Variants in NTM observed in about 807,000 individuals in gnomAD.
The protein encoded by NTM is IgLON family member 2.
Under a neutral mutation model 42.1 loss-of-function variants are expected in NTM, and 13 were observed. The ratio of observed to expected loss-of-function variants is 0.31; its 90% CI spans 0.20 to 0.49. NTM has a LOEUF of 0.49. Among genes scored for constraint, NTM ranks in the 20% least tolerant of loss-of-function variants. NTM has a pLI of 0.99. For missense variants in NTM, 373 were observed against 452.8 expected, an observed-to-expected ratio of 0.82 and a Z score of 1.60; for synonymous variants, 187 against 179.2, an observed-to-expected ratio of 1.04 and a Z score of -0.35.
At chr11:131,739,773 G>A (rs2080945381) in intron 1 of NTM, among the ~76,000 whole-genome samples, 1 of 152,196 alleles carries the variant, frequency 6.6e-6, no homozygotes. Context: ...AGTCCCAGAT[G>A]GGAAACGGCA....
chr11:131,387,318 C>T (rs538852551), intron 1 of NTM, among the ~76,000 whole-genome samples: 14 of 152,082 alleles, frequency 9.2e-5, no homozygotes, highest in African/African-American at 3.4e-4. Context: ...CTCTCTCTCC[C>T]TCTCTCTCTC....
At chr11:131,576,868 A>G (rs2057986307) in intron 1 of NTM, among the ~76,000 whole-genome samples, 1 of 152,156 alleles carries the variant, frequency 6.6e-6, no homozygotes, top group South Asian at 2.1e-4. Context: ...ATTTTTTTCC[A>G]CAAAATGTGG....
intron 1 of NTM, among the ~76,000 whole-genome samples, chr11:131,902,337 T>C (rs2053296424): frequency 6.6e-6 from 1 of 152,246 alleles, no homozygotes. Context: ...TCTTAAAATG[T>C]GTGGGTGCCT....
At chr11:131,376,736 C>CTGCT (rs1942027288) in intron 1 of NTM, among the ~76,000 whole-genome samples, 1 of 150,310 alleles carries the variant, frequency 6.7e-6, no homozygotes, top group Non-Finnish European at 1.5e-5. Flanking sequence ...GATCAAAAGA[C>CTGCT]TGCTGGTTTT....
At chr11:131,456,950 T>C (rs1348454489) in intron 1 of NTM, among the ~76,000 whole-genome samples, 1 of 152,238 alleles carries the variant, frequency 6.6e-6, no homozygotes, top group African/African-American at 2.4e-5. Flanking sequence ...TGTGAGGTCC[T>C]ATGCTGGATG....
chr11:132,182,874 C>G (rs4586177), intron 3 of NTM, among the ~76,000 whole-genome samples: 2,340 of 152,290 alleles, frequency 0.015, 51 homozygotes, highest in African/African-American at 0.053. Flanking sequence ...ACCTCATTTT[C>G]CAACATTTTA....
intron 7 of NTM, among the ~76,000 whole-genome samples, chr11:132,317,232 G>A (rs531299360): frequency 3.5e-4 from 54 of 152,264 alleles, no homozygotes; most frequent in African/African-American, 1.3e-3. Context: ...GAGCTCGTTC[G>A]TTCCTACCGT....
chr11:132,082,891 G>A (rs955230131), intron 2 of NTM, among the ~76,000 whole-genome samples: 4 of 152,288 alleles, frequency 2.6e-5, no homozygotes, highest in Middle Eastern at 3.4e-3. Context: ...AAACAAAAGC[G>A]AGGGTAAGGA....
chr11:131,612,095 C>T (rs1189847749), intron 1 of NTM, among the ~76,000 whole-genome samples: 1 of 152,220 alleles, frequency 6.6e-6, no homozygotes, highest in African/African-American at 2.4e-5. Flanking sequence ...CCAGCCACCA[C>T]ATCCTAAGGA....
In NTM at chr11:131,911,619, G is replaced by A; in HGVS notation, c.138G>A (p.Thr46=). Residue 46 remains threonine (T), a synonymous_variant, in exon 2 of 9, where the codon ACG becomes ACA. Transcript: ENST00000683400. ...TCCCCAAAGCTATGGACAACGTGAC[G>A]GTCCGGCAGGGGGAGAGCGCCACCC... ...ATFPKAMDNV[T]VRQGESATLR... 3.7e-6 allele frequency: 6 copies of A among 1,614,170 alleles called. No homozygotes were observed. Among genetic ancestry groups the A allele is most frequent in the Non-Finnish European group, 5.1e-6 (6 of 1,180,012 alleles).
At chr11:132,068,883 GA>G (rs1273195289) in intron 2 of NTM, among the ~76,000 whole-genome samples, 1 of 152,210 alleles carries the variant, frequency 6.6e-6, no homozygotes, top group Non-Finnish European at 1.5e-5. Context: ...CCTTTCAGCT[GA>G]TTGGGTGAGA....
intron 2 of NTM, among the ~76,000 whole-genome samples, chr11:132,059,748 C>T (rs1440892033): frequency 6.6e-6 from 1 of 151,812 alleles, no homozygotes; most frequent in East Asian, 2.0e-4. Context: ...CCCCATCACC[C>T]CCTGCCACGA....
chr11:131,468,963 C>T (rs1266770643), intron 1 of NTM, among the ~76,000 whole-genome samples: 2 of 152,248 alleles, frequency 1.3e-5, no homozygotes, highest in Admixed American at 6.5e-5. Context: ...TAAGGCAGAA[C>T]AATTGGATGA....
intron 1 of NTM, among the ~76,000 whole-genome samples, chr11:131,882,073 G>A (rs910620705): frequency 2.6e-5 from 4 of 152,166 alleles, no homozygotes; most frequent in Admixed American, 2.6e-4. Context: ...GCCCAAGTGA[G>A]TGTCTTGCCT....
At chr11:131,393,534 C>T (rs753299335) in intron 1 of NTM, among the ~76,000 whole-genome samples, 30 of 152,158 alleles carry the variant, frequency 2.0e-4, no homozygotes, top group South Asian at 2.1e-4. Context: ...CAGCAGCAAC[C>T]GCCCATCCTT....
chr11:131,380,326 G>A (rs574935649), intron 1 of NTM, among the ~76,000 whole-genome samples: 193 of 150,718 alleles, frequency 1.3e-3, no homozygotes, highest in African/African-American at 4.5e-3. Flanking sequence ...TCCTGCTTCA[G>A]CCTCCAAAGT....
chr11:132,101,699 C>T (rs2136563428), intron 2 of NTM, among the ~76,000 whole-genome samples: 1 of 152,276 alleles, frequency 6.6e-6, no homozygotes, highest in African/African-American at 2.4e-5. Flanking sequence ...TTGTCCTCTT[C>T]TCAGTCTGTC....
chr11:131,635,302 T>C (rs74397268), intron 1 of NTM, among the ~76,000 whole-genome samples: 4,923 of 152,268 alleles, frequency 0.032, 292 homozygotes, highest in African/African-American at 0.11. Flanking sequence ...TCCTGCGTGT[T>C]ACTGCCCCTG....
intron 2 of NTM, among the ~76,000 whole-genome samples, chr11:131,937,913 C>T (rs893205387): frequency 2.0e-5 from 3 of 152,186 alleles, no homozygotes; most frequent in Non-Finnish European, 4.4e-5. Context: ...GTCCTCTGAA[C>T]TTGAGTGCCT....
Sources: gnomAD v4.1 joint callset for allele counts (sites outside exome capture counted in the v4.1 genomes callset) on GRCh38, gnomAD v4.1.1 for gene constraint, MANE v1.5 for transcripts, NCBI Gene and HGNC (gene_info 2026-07-23, HGNC 2026-07-21) for gene names.